ULK2: variants seen among roughly 807,000 people sequenced by gnomAD.
The protein encoded by ULK2 is serine/threonine-protein kinase ULK2.
ULK2 carries 76 observed loss-of-function variants against 127.5 expected under a neutral mutation model. The ratio of observed to expected loss-of-function variants is 0.60; its 90% CI spans 0.50 to 0.72. The LOEUF (loss-of-function observed/expected upper bound fraction) is 0.72, where lower values mean the gene tolerates loss of function less well. Among genes scored for constraint, ULK2 ranks in the 30% least tolerant of loss-of-function variants. The probability of loss-of-function intolerance (pLI) is 0.00; values close to 1 mark genes in which losing one functional copy is unlikely to be tolerated. For missense variants in ULK2, 1,144 were observed against 1,295.9 expected, an observed-to-expected ratio of 0.88 and a Z score of 1.80; for synonymous variants, 452 against 461.9, an observed-to-expected ratio of 0.98 and a Z score of 0.28.
chr17:19,802,549 T>G (rs1256048437), intron 15 of ULK2, among the ~76,000 whole-genome samples: 1 of 152,262 alleles, frequency 6.6e-6, no homozygotes, highest in Admixed American at 6.5e-5. Flanking sequence ...ATTTGGATTC[T>G]CATAATTGCT....
intron 5 of ULK2, 73 bp from the exon 6 acceptor site, chr17:19,846,983 A>T: frequency 2.8e-6 from 4 of 1,440,498 alleles, no homozygotes; most frequent in Non-Finnish European, 3.7e-6. Flanking sequence ...CATCAACAGG[A>T]TTGGGTTGTG....
intron 3 of ULK2, among the ~76,000 whole-genome samples, chr17:19,858,407 A>G (rs2042175968): frequency 6.7e-6 from 1 of 149,604 alleles, no homozygotes; most frequent in Non-Finnish European, 1.5e-5. Flanking sequence ...CTCAAAAAAG[A>G]AAAAAAAAAG....
chr17:19,786,136 T>C (rs1488147600), intron 20 of ULK2, 50 bp from the exon 21 acceptor site: 1 of 1,517,502 alleles, frequency 6.6e-7, no homozygotes, highest in Non-Finnish European at 8.7e-7. Flanking sequence ...AGTGTTTATA[T>C]CTGGGAGATG....
intron 25 of ULK2, among the ~76,000 whole-genome samples, chr17:19,779,646 T>C (rs577872382): frequency 1.8e-4 from 27 of 152,082 alleles, no homozygotes; most frequent in Non-Finnish European, 3.4e-4. Flanking sequence ...AGAGTAATTT[T>C]TCCCCGAGAG....
chr17:19,809,737 A>G (rs1261781451), intron 14 of ULK2, among the ~76,000 whole-genome samples: 1 of 150,088 alleles, frequency 6.7e-6, no homozygotes, highest in Non-Finnish European at 1.5e-5. Flanking sequence ...CGTCTCAAAA[A>G]AAAAAAAAAA....
chr17:19,781,857 A>C, intron 23 of ULK2, 32 bp downstream of exon 23: 1 of 1,600,516 alleles, frequency 6.2e-7, no homozygotes, highest in Non-Finnish European at 8.5e-7. Flanking sequence ...AAGCATGAAA[A>C]GTCTGGAAAT....
chr17:19,853,278 G>A (rs1416487475), intron 3 of ULK2, among the ~76,000 whole-genome samples: 3 of 151,740 alleles, frequency 2.0e-5, no homozygotes, highest in Admixed American at 6.6e-5. Context: ...TAGGACCACA[G>A]GTGTGCACCA....
At chr17:19,811,430 A>G (rs2087637342) in intron 13 of ULK2, among the ~76,000 whole-genome samples, 2 of 151,838 alleles carry the variant, frequency 1.3e-5, no homozygotes, top group African/African-American at 4.8e-5. Context: ...TATTTCAAGT[A>G]ACTTTTTTTT....
chr17:19,776,336 A>C lies in ULK2; in HGVS notation c.*13T>G. 1.3e-6 allele frequency: 2 copies of C among 1,599,566 alleles called. No homozygotes were observed. Among genetic ancestry groups the C allele is most frequent in the South Asian group, 2.3e-5 (2 of 88,188 alleles). On this transcript the variant is annotated 3_prime_UTR_variant, in exon 27 of 27. Coordinates refer to ENST00000395544, the MANE Select transcript of ULK2 (RefSeq NM_014683.4). The stretch of plus-strand genomic sequence containing the variant: ...CACGTTCCCACCACCGGTCCACGGG[A>C]TGAGCCTGCTGCTCACACGGTTGCG...
intron 10 of ULK2, among the ~76,000 whole-genome samples, chr17:19,827,767 A>AGGCATGG (rs966466766): frequency 1.3e-5 from 2 of 152,120 alleles, no homozygotes; most frequent in African/African-American, 4.8e-5. Context: ...CAAAATTAAC[A>AGGCATGG]GGCATGGTGG....
chr17:19,795,629 C>T lies in ULK2; in HGVS notation c.2094G>A (p.Met698Ile). 6.2e-7 allele frequency: 1 copy of T among 1,613,514 alleles called. No homozygotes were observed. Among genetic ancestry groups the T allele is most frequent in the African/African-American group, 1.3e-5 (1 of 74,998 alleles). The change falls in exon 20 of 27, where the codon ATG becomes ATA. Residue 698 changes from methionine (M) to isoleucine (I), a missense_variant. This residue lies in a region of ULK2 where 913 missense variants were observed against 970.5 expected (regional missense o/e 0.94). Transcript: ENST00000395544. ...AAACTACATTTTTCTTACCTATATCCATTGGTCGTTCTGTATTTAAACTGT... is the reference window on the plus strand; with the variant it reads ...AAACTACATTTTTCTTACCTATATCTATTGGTCGTTCTGTATTTAAACTGT... The part of the protein sequence containing the change: ...STDSLNTERP[M>I]DIAPAGACGG...
intron 22 of ULK2, among the ~76,000 whole-genome samples, chr17:19,782,373 G>T (rs926319933): frequency 2.0e-5 from 3 of 152,172 alleles, no homozygotes; most frequent in African/African-American, 4.8e-5. Flanking sequence ...CAATATACAT[G>T]AGACAAAAAC....
chr17:19,806,039 T>C (rs2087508975), intron 14 of ULK2, among the ~76,000 whole-genome samples: 1 of 152,130 alleles, frequency 6.6e-6, no homozygotes, highest in African/African-American at 2.4e-5. Flanking sequence ...CACATCTGAT[T>C]CTTCAGTTTA....
intron 20 of ULK2, among the ~76,000 whole-genome samples, chr17:19,787,303 T>C (rs1166173990): frequency 6.6e-6 from 1 of 151,416 alleles, no homozygotes; most frequent in African/African-American, 2.4e-5. Context: ...TTTATTTTTT[T>C]AGAGACAGGG....
At chr17:19,791,844 CAAAAAAAAAAAA>C (rs58434256) in intron 20 of ULK2, among the ~76,000 whole-genome samples, 9 of 48,252 alleles carry the variant, frequency 1.9e-4, no homozygotes, top group African/African-American at 5.3e-4. Context: ...ACCCTGTTTA[CAAAAAAAAAAAA>C]AAAAAAAAAA....
intron 11 of ULK2, 26 bp downstream of exon 11, chr17:19,826,113 T>C: frequency 7.2e-7 from 1 of 1,383,238 alleles, no homozygotes. Context: ...ATTCTTTAAG[T>C]GAAAATACAA....
chr17:19,800,402 G>A (rs1014824258), intron 16 of ULK2, among the ~76,000 whole-genome samples: 13 of 152,126 alleles, frequency 8.5e-5, no homozygotes, highest in African/African-American at 2.7e-4. Flanking sequence ...ATTAAGCAGC[G>A]GGCAGAGATC....
intron 12 of ULK2, among the ~76,000 whole-genome samples, chr17:19,821,997 T>C (rs2041159910): frequency 6.7e-6 from 1 of 148,810 alleles, no homozygotes; most frequent in Non-Finnish European, 1.5e-5. Flanking sequence ...ACCTTATCTT[T>C]TTTTTTTTTT....
At chr17:19,788,044 A>C (rs1850409088) in intron 20 of ULK2, among the ~76,000 whole-genome samples, 1 of 152,132 alleles carries the variant, frequency 6.6e-6, no homozygotes, top group South Asian at 2.1e-4. Flanking sequence ...GCTAGAGGGA[A>C]AGTGCCTGTC....
Sources: allele counts gnomAD v4.1 joint callset (sites outside exome capture counted in the v4.1 genomes callset), GRCh38; gene constraint gnomAD v4.1.1; regional missense constraint gnomAD v4.1.1; transcripts MANE v1.5; gene names NCBI Gene and HGNC (gene_info 2026-07-23, HGNC 2026-07-21).